Variants in ADAMTS3 observed in about 807,000 individuals in gnomAD.
ADAMTS3 encodes ADAM metallopeptidase with thrombospondin type 1 motif 3, also known as A disintegrin and metalloproteinase with thrombospondin motifs 3.
Under a neutral mutation model 129.0 loss-of-function variants are expected in ADAMTS3, and 73 were observed. That is an observed-to-expected ratio of 0.57 (90% confidence interval 0.47 to 0.69). The LOEUF (loss-of-function observed/expected upper bound fraction) is 0.69, where lower values mean the gene tolerates loss of function less well. Among genes scored for constraint, ADAMTS3 ranks in the 30% least tolerant of loss-of-function variants. The pLI is 0.00. For synonymous variants in ADAMTS3, 477 were observed against 510.8 expected (o/e 0.93, Z 0.89); for missense variants, 1,457 against 1,514.5 (o/e 0.96, Z 0.63).
intron 4 of ADAMTS3, among the ~76,000 whole-genome samples, chr4:72,405,133 G>A (rs1419932521): frequency 6.6e-6 from 1 of 151,978 alleles, no homozygotes; most frequent in Admixed American, 6.6e-5. Flanking sequence ...CTATGTTGAG[G>A]CTCCTGAGAA....
intron 4 of ADAMTS3, among the ~76,000 whole-genome samples, chr4:72,389,607 A>C (rs1191062298): frequency 2.0e-5 from 3 of 152,192 alleles, no homozygotes; most frequent in African/African-American, 4.8e-5. Context: ...AGGACTATGC[A>C]GTGGAGAAAC....
At chr4:72,442,619 C>T (rs1466049578) in intron 3 of ADAMTS3, among the ~76,000 whole-genome samples, 1 of 151,764 alleles carries the variant, frequency 6.6e-6, no homozygotes, top group Non-Finnish European at 1.5e-5. Flanking sequence ...CCATCACTGG[C>T]AATCACATTT....
intron 3 of ADAMTS3, among the ~76,000 whole-genome samples, chr4:72,512,528 A>G (rs960612637): frequency 2.6e-5 from 4 of 152,186 alleles, no homozygotes; most frequent in African/African-American, 9.7e-5. Context: ...AAGACTTACT[A>G]TTTGATAGCA....
chr4:72,427,526 A>G (rs1722601652), intron 3 of ADAMTS3, among the ~76,000 whole-genome samples: 1 of 152,116 alleles, frequency 6.6e-6, no homozygotes, highest in African/African-American at 2.4e-5. Flanking sequence ...GAATGCATTT[A>G]TCAGGGCTCT....
At chr4:72,453,786 A>T (rs557754396) in intron 3 of ADAMTS3, among the ~76,000 whole-genome samples, 229 of 151,614 alleles carry the variant, frequency 1.5e-3, no homozygotes, top group Non-Finnish European at 2.6e-3. Context: ...GAGACAACTC[A>T]TGGAAATTAA....
chr4:72,464,629 C>A (rs1279192959), intron 3 of ADAMTS3, among the ~76,000 whole-genome samples: 1 of 151,998 alleles, frequency 6.6e-6, no homozygotes. Flanking sequence ...GAACATGGCA[C>A]TTACCATCCT....
At chr4:72,345,060 A>G (rs1720244208) in intron 4 of ADAMTS3, among the ~76,000 whole-genome samples, 3 of 152,148 alleles carry the variant, frequency 2.0e-5, no homozygotes, top group Admixed American at 2.0e-4. Context: ...TTTCATGTGA[A>G]TAAGTGAAGA....
At position 72,322,687 on chromosome 4, in the gene ADAMTS3, G is replaced by C. The variant is rs747740297; in HGVS notation, c.945+327C>G. Among the ~76,000 whole-genome samples the C allele has an allele frequency of 8.5e-5, 13 of 152,144 alleles. No individual in the cohort carries two copies. In the South Asian group the frequency reaches 2.7e-3, roughly 32 times the overall value. ...TAATGAATAAATGAAACACACACTC[G>C]ATGATAACAATAGGCTAAGGAAATT... is the stretch of plus-strand genomic sequence containing the variant. On this transcript the variant is annotated intron_variant, in intron 6 of 21. Coordinates refer to ENST00000286657, the MANE Select transcript of ADAMTS3 (RefSeq NM_014243.3).
intron 4 of ADAMTS3, among the ~76,000 whole-genome samples, chr4:72,355,898 T>C (rs868771576): frequency 1.3e-5 from 2 of 152,062 alleles, no homozygotes; most frequent in African/African-American, 4.8e-5. Context: ...ACTAGGCTTA[T>C]GATTTGTGGA....
In ADAMTS3 at chr4:72,283,552, T is replaced by C; in HGVS notation, c.3202A>G (p.Thr1068Ala). The stretch of plus-strand genomic sequence containing the variant: ...GGGTTAGAGATGACATCATCATGAG[T>C]TTCAGCAGCTTCTAGAAGGTATGGT... ...PPPYLLEAAETHDDVISNPSD... is the reference protein window; with the variant it reads ...PPPYLLEAAEAHDDVISNPSD... The change falls in exon 22 of 22, where the codon ACT becomes GCT. Residue 1068 changes from threonine to alanine, a missense_variant. Coordinates refer to ENST00000286657, the MANE Select transcript of ADAMTS3 (RefSeq NM_014243.3). The C allele has an allele frequency of 6.2e-7, 1 of 1,613,684 alleles. No homozygotes were observed. The highest frequency in any genetic ancestry group is 8.5e-7 in the Non-Finnish European group (1 of 1,179,870).
chr4:72,381,091 T>C (rs1342409882), intron 4 of ADAMTS3, among the ~76,000 whole-genome samples: 3 of 152,080 alleles, frequency 2.0e-5, no homozygotes, highest in African/African-American at 7.2e-5. Flanking sequence ...CAAGATACAG[T>C]GCAAATTGTT....
chr4:72,286,620 G>A (rs1718511913), intron 21 of ADAMTS3, among the ~76,000 whole-genome samples: 1 of 152,174 alleles, frequency 6.6e-6, no homozygotes, highest in African/African-American at 2.4e-5. Flanking sequence ...TACTTATGGT[G>A]TTGGAGGCCA....
chr4:72,320,291 C>T lies in ADAMTS3; in HGVS notation c.1103-328G>A, dbSNP rs577600730. Among the ~76,000 whole-genome samples, 3 of 152,242 alleles carry T rather than the reference C, an allele frequency of 2.0e-5. No homozygotes were observed. In the South Asian group the frequency reaches 6.2e-4, roughly 32 times the overall value. ...GTACTGATGAAGGAAGCCAGAAATT[C>T]CATCAATGTTAAAAAGAAAATCATC... On this transcript the variant is annotated intron_variant, in intron 7 of 21. Transcript: ENST00000286657.
At chr4:72,514,253 T>G (rs1426860834) in intron 3 of ADAMTS3, among the ~76,000 whole-genome samples, 1 of 152,178 alleles carries the variant, frequency 6.6e-6, no homozygotes, top group Admixed American at 6.6e-5. Context: ...ACAGGATTAC[T>G]AGGCCCATAC....
intron 3 of ADAMTS3, among the ~76,000 whole-genome samples, chr4:72,430,691 G>A (rs1722675697): frequency 6.6e-6 from 1 of 151,874 alleles, no homozygotes; most frequent in African/African-American, 2.4e-5. Context: ...TGCAAGAATG[G>A]AATTAGAGTT....
At chr4:72,489,469 C>G (rs1304077712) in intron 3 of ADAMTS3, among the ~76,000 whole-genome samples, 1 of 151,966 alleles carries the variant, frequency 6.6e-6, no homozygotes, top group Non-Finnish European at 1.5e-5. Flanking sequence ...CTTTGTCCAG[C>G]AAGTCCTTGC....
At chr4:72,502,987 G>A (rs993109703) in intron 3 of ADAMTS3, among the ~76,000 whole-genome samples, 2 of 151,842 alleles carry the variant, frequency 1.3e-5, no homozygotes, top group African/African-American at 4.8e-5. Context: ...GGTATGTTGT[G>A]TCTCTATTTT....
In ADAMTS3 at chr4:72,438,205, T is replaced by G. The variant is rs145740864; in HGVS notation, c.505-23234A>C. Among the ~76,000 whole-genome samples the G allele has an allele frequency of 3.2e-3, 483 of 151,758 alleles. 5 individuals carry two copies. The highest frequency in any genetic ancestry group is 0.011 in the African/African-American group (467 of 41,482). The stretch of plus-strand genomic sequence containing the variant: ...CACATAAACAAAGTCTGCTGAAAGA[T>G]CCATTGAGTTATATTGTTTATAAAT... On this transcript the variant is annotated intron_variant, in intron 3 of 21. Transcript: ENST00000286657.
chr4:72,551,166 C>G (rs1255961844), intron 2 of ADAMTS3, among the ~76,000 whole-genome samples: 1 of 152,102 alleles, frequency 6.6e-6, no homozygotes, highest in African/African-American at 2.4e-5. Context: ...TGCTTAATTT[C>G]AATGTATGGA....
Sources: allele counts gnomAD v4.1 joint callset (sites outside exome capture counted in the v4.1 genomes callset), GRCh38; gene constraint gnomAD v4.1.1; transcripts MANE v1.5; gene names NCBI Gene and HGNC (gene_info 2026-07-23, HGNC 2026-07-21).